Variants in EXOC4 observed in about 807,000 individuals in gnomAD.
EXOC4 encodes exocyst complex component 4, also known as SEC8-like 1.
Under a neutral mutation model 107.2 loss-of-function variants are expected in EXOC4, and 71 were observed. The ratio of observed to expected loss-of-function variants is 0.66; its 90% CI spans 0.55 to 0.81. The LOEUF (loss-of-function observed/expected upper bound fraction) is 0.81, where lower values mean the gene tolerates loss of function less well. Among genes scored for constraint, EXOC4 ranks in the 30% least tolerant of loss-of-function variants. The probability of loss-of-function intolerance (pLI) is 0.00; values close to 1 mark genes in which losing one functional copy is unlikely to be tolerated. For synonymous variants in EXOC4, 456 were observed against 441.2 expected, an observed-to-expected ratio of 1.03 and a Z score of -0.42; for missense variants, 1,108 against 1,189.6, an observed-to-expected ratio of 0.93 and a Z score of 1.01.
intron 9 of EXOC4, among the ~76,000 whole-genome samples, chr7:133,495,207 A>G (rs981794420): frequency 3.3e-5 from 5 of 151,896 alleles, no homozygotes; most frequent in African/African-American, 7.3e-5. Flanking sequence ...AGCTGAGATC[A>G]CGCCATTGCA....
intron 7 of EXOC4, among the ~76,000 whole-genome samples, chr7:133,397,924 AG>A (rs1251073746): frequency 3.9e-5 from 6 of 152,144 alleles, no homozygotes; most frequent in Non-Finnish European, 7.3e-5. Context: ...AAATTTGGAG[AG>A]GTTAAGTGCC....
At chr7:133,339,358 T>A (rs1387333976) in intron 5 of EXOC4, among the ~76,000 whole-genome samples, 1 of 152,212 alleles carries the variant, frequency 6.6e-6, no homozygotes, top group Non-Finnish European at 1.5e-5. Flanking sequence ...GTCTGTTCCA[T>A]TGGTCAATGT....
chr7:133,434,458 C>T (rs903597607), intron 7 of EXOC4, among the ~76,000 whole-genome samples: 10 of 152,156 alleles, frequency 6.6e-5, no homozygotes, highest in African/African-American at 2.4e-4. Context: ...TGAGCTCCCC[C>T]CTCTGGCATT....
At chr7:133,722,784 T>C (rs1795131933) in intron 10 of EXOC4, among the ~76,000 whole-genome samples, 1 of 152,202 alleles carries the variant, frequency 6.6e-6, no homozygotes, top group Non-Finnish European at 1.5e-5. Flanking sequence ...TGCCCTAAAT[T>C]GTTGCATTTT....
intron 5 of EXOC4, among the ~76,000 whole-genome samples, chr7:133,330,647 GCACAGTCCCTCACAGTCCCT>G (rs58220744): frequency 4.0e-5 from 6 of 150,252 alleles, no homozygotes; most frequent in East Asian, 2.0e-4. Flanking sequence ...TCACGGCACG[GCACAGTCCCTCACAGTCCCT>G]CACAGTCCCT....
intron 14 of EXOC4, among the ~76,000 whole-genome samples, chr7:133,984,951 G>T (rs1050938823): frequency 2.0e-5 from 3 of 152,180 alleles, no homozygotes; most frequent in Non-Finnish European, 2.9e-5. Flanking sequence ...GTTTCATAGA[G>T]ATGAAAACGT....
intron 5 of EXOC4, among the ~76,000 whole-genome samples, chr7:133,331,933 G>A (rs1795404477): frequency 1.3e-5 from 2 of 152,162 alleles, no homozygotes. Flanking sequence ...AGAAACTAAT[G>A]TCTAATTTAG....
At chr7:133,700,163 A>G (rs1794626008) in intron 10 of EXOC4, among the ~76,000 whole-genome samples, 1 of 152,226 alleles carries the variant, frequency 6.6e-6, no homozygotes, top group Non-Finnish European at 1.5e-5. Flanking sequence ...GTAAAAGTTA[A>G]TAGTATTTTT....
intron 7 of EXOC4, among the ~76,000 whole-genome samples, chr7:133,404,102 T>A (rs1797155327): frequency 6.6e-6 from 1 of 152,112 alleles, no homozygotes. Context: ...CCTTAACTTT[T>A]TTTTGTTTGT....
chr7:133,662,858 T>C (rs549388759), intron 10 of EXOC4, among the ~76,000 whole-genome samples: 1 of 152,322 alleles, frequency 6.6e-6, no homozygotes, highest in African/African-American at 2.4e-5. Flanking sequence ...GTTAGTGGAC[T>C]CTCTTGAAAG....
chr7:133,581,963 A>G (rs916054520), intron 9 of EXOC4, among the ~76,000 whole-genome samples: 6 of 152,076 alleles, frequency 3.9e-5, no homozygotes, highest in African/African-American at 1.2e-4. Flanking sequence ...TAAACAAACC[A>G]TCAGGTCTCG....
In EXOC4 at chr7:134,064,596, T is replaced by C; in HGVS notation, c.*68T>C. Reference sequence around the variant, plus strand: ...CTCACTTTTTTCCTTGGTATGTTATTGAGTATATTCTGAGCTTAGTTTTCT... The same window carrying C: ...CTCACTTTTTTCCTTGGTATGTTATCGAGTATATTCTGAGCTTAGTTTTCT... On this transcript the variant is annotated 3_prime_UTR_variant, in exon 18 of 18. Coordinates refer to ENST00000253861, the MANE Select transcript of EXOC4 (RefSeq NM_021807.4). 9.3e-7 allele frequency: 1 copy of C among 1,080,004 alleles called. No homozygotes were observed. The highest frequency in any genetic ancestry group is 1.3e-6 in the Non-Finnish European group (1 of 744,350). 66.9% of individuals were successfully genotyped at this position (1,080,004 alleles called of 1,614,324 possible).
chr7:133,800,445 G>A (rs1246071490), intron 10 of EXOC4, among the ~76,000 whole-genome samples: 3 of 152,014 alleles, frequency 2.0e-5, no homozygotes, highest in East Asian at 1.9e-4. Context: ...AATCATTTTG[G>A]TTCATTTATG....
intron 14 of EXOC4, among the ~76,000 whole-genome samples, chr7:133,942,383 G>T (rs760473130): frequency 6.6e-6 from 1 of 151,282 alleles, no homozygotes; most frequent in Non-Finnish European, 1.5e-5. Context: ...ATAAAATATT[G>T]TAATGCATCC....
intron 10 of EXOC4, among the ~76,000 whole-genome samples, chr7:133,786,699 A>T (rs1328392617): frequency 6.6e-6 from 1 of 152,232 alleles, no homozygotes; most frequent in Non-Finnish European, 1.5e-5. Context: ...ACTGACCTTT[A>T]TTCAACTGTT....
intron 14 of EXOC4, among the ~76,000 whole-genome samples, chr7:133,980,282 C>T (rs937264514): frequency 1.3e-5 from 2 of 152,144 alleles, no homozygotes; most frequent in East Asian, 1.9e-4. Flanking sequence ...CAAGGTTTTT[C>T]GAGGAGTGAG....
In EXOC4 at chr7:133,421,560, C is replaced by T. The variant is rs1321547275; in HGVS notation, c.1182+46558C>T. 2.6e-5 allele frequency among the ~76,000 whole-genome samples: 4 copies of T among 152,300 alleles called. No individual in the cohort carries two copies. The East Asian group carries it at 7.7e-4, about 29-fold the overall frequency. On this transcript the variant is annotated intron_variant, in intron 7 of 17. Coordinates refer to ENST00000253861, the MANE Select transcript of EXOC4 (RefSeq NM_021807.4). ...AGGAAAGTTATGGAGAAAGAGGGCC[C>T]ACTGCTGGGGGCCTGTCTGCTTTTG...
At chr7:133,771,943 T>C (rs1002369302) in intron 10 of EXOC4, among the ~76,000 whole-genome samples, 1 of 151,898 alleles carries the variant, frequency 6.6e-6, no homozygotes, top group Non-Finnish European at 1.5e-5. Context: ...GGAAAGAAAT[T>C]AGACATCAGA....
intron 9 of EXOC4, among the ~76,000 whole-genome samples, chr7:133,496,077 A>G (rs1379592204): frequency 6.6e-6 from 1 of 151,976 alleles, no homozygotes; most frequent in African/African-American, 2.4e-5. Context: ...ACTGGCAGGA[A>G]TTTCTGGATA....
Sources: allele counts gnomAD v4.1 joint callset (sites outside exome capture counted in the v4.1 genomes callset), GRCh38; gene constraint gnomAD v4.1.1; transcripts MANE v1.5; gene names NCBI Gene and HGNC (gene_info 2026-07-23, HGNC 2026-07-21).